The following MYCBP2 variants were observed in gnomAD, a reference collection of about 807,000 sequenced individuals.
MYCBP2 encodes MYC binding protein 2.
A neutral mutation model predicts 525.3 loss-of-function variants in MYCBP2; 120 were observed. The ratio of observed to expected loss-of-function variants is 0.23; its 90% CI spans 0.20 to 0.27. The LOEUF (loss-of-function observed/expected upper bound fraction) is 0.27, where lower values mean the gene tolerates loss of function less well. MYCBP2 is among the 10% of genes least tolerant of loss of function. The pLI, the probability that MYCBP2 is intolerant of heterozygous loss-of-function variation, is 1.00. For synonymous variants in MYCBP2, 1,894 were observed against 1,955.8 expected (o/e 0.97, Z 0.83); for missense variants, 4,149 against 5,657.1 (o/e 0.73, Z 8.55).
intron 62 of MYCBP2, among the ~76,000 whole-genome samples, chr13:77,083,659 C>T (rs1034413181): frequency 6.6e-6 from 1 of 152,094 alleles, no homozygotes; most frequent in Non-Finnish European, 1.5e-5. Flanking sequence ...CCTTTCTACG[C>T]AAATGGACCA....
At chr13:77,146,109 G>T in intron 48 of MYCBP2, 53 bp downstream of exon 48, 3 of 1,177,544 alleles carry the variant, frequency 2.5e-6, no homozygotes, top group South Asian at 1.6e-5. Context: ...GATTTTAGTT[G>T]CAAGCAGCTG....
intron 15 of MYCBP2, among the ~76,000 whole-genome samples, chr13:77,245,851 TAC>T (rs57406466): frequency 0.57 from 85,614 of 149,878 alleles, 27,818 homozygotes; most frequent in Non-Finnish European, 0.73. Context: ...TATATATGTA[TAC>T]ACACACACAC....
Position 77,101,747 on chromosome 13 carries a change from G to T in MYCBP2, c.8141-2734C>A, listed in dbSNP as rs567291314. On this transcript the variant is annotated intron_variant, in intron 55 of 82. Coordinates refer to ENST00000544440, the MANE Select transcript of MYCBP2 (RefSeq NM_015057.5). ...TTTGAAAAATTTATTTTTCCAAAACGTATTTTATATATTAAAAAAAACTAT... is the reference window on the plus strand; with the variant it reads ...TTTGAAAAATTTATTTTTCCAAAACTTATTTTATATATTAAAAAAAACTAT... Among the ~76,000 whole-genome samples the T allele has an allele frequency of 9.2e-5, 14 of 151,684 alleles. No individual in the cohort carries two copies. In the South Asian group the frequency reaches 2.7e-3, roughly 29 times the overall value.
chr13:77,326,475 TGGA>T lies in MYCBP2; in HGVS notation c.298_300del (p.Ser100del). 1.3e-6 allele frequency: 2 copies of T among 1,570,592 alleles called. No individual in the cohort carries two copies. Among genetic ancestry groups the T allele is most frequent in the South Asian group, 2.3e-5 (2 of 87,658 alleles). On this transcript the variant is annotated inframe_deletion and splice_region_variant, in exon 1 of 83. Coordinates refer to ENST00000544440, the MANE Select transcript of MYCBP2 (RefSeq NM_015057.5). The surrounding 1 kb of genome is among the most constrained non-coding windows in gnomAD (Gnocchi z 4.2). Reference sequence around the variant, plus strand: ...AGGAAGGGCACCCTGGGGACGCACCTGGAGGCTGGGTGTCCAGCGCTGCCGCCC... The same window carrying T: ...AGGAAGGGCACCCTGGGGACGCACCTGGCTGGGTGTCCAGCGCTGCCGCCC...
chr13:77,300,974 A>AAT (rs1445007484), intron 1 of MYCBP2, among the ~76,000 whole-genome samples: 1 of 152,180 alleles, frequency 6.6e-6, no homozygotes, highest in Non-Finnish European at 1.5e-5. Flanking sequence ...GAACTCTAAT[A>AAT]AAGGAAACAA....
At chr13:77,233,819 C>T (rs575263924) in intron 17 of MYCBP2, among the ~76,000 whole-genome samples, 51 of 150,706 alleles carry the variant, frequency 3.4e-4, no homozygotes, top group African/African-American at 1.2e-3. Flanking sequence ...AAAAACAAAA[C>T]AAAAATGTCT....
chr13:77,130,210 A>G (rs1171577859), intron 52 of MYCBP2, among the ~76,000 whole-genome samples: 3 of 151,884 alleles, frequency 2.0e-5, no homozygotes, highest in Non-Finnish European at 4.4e-5. Flanking sequence ...AAAAGAGGAC[A>G]TTCAAAATAT....
intron 15 of MYCBP2, among the ~76,000 whole-genome samples, chr13:77,249,129 G>A (rs113447343): frequency 1.3e-5 from 2 of 152,268 alleles, no homozygotes; most frequent in Non-Finnish European, 2.9e-5. Context: ...AGAATGAGGA[G>A]TCATTGTTTA....
At chr13:77,111,761 C>T (rs2048863884) in intron 55 of MYCBP2, among the ~76,000 whole-genome samples, 1 of 152,054 alleles carries the variant, frequency 6.6e-6, no homozygotes, top group Non-Finnish European at 1.5e-5. Flanking sequence ...TCTCCAGGAC[C>T]TTTTTCATAA....
At position 77,268,335 on chromosome 13, in the gene MYCBP2, GCCATTGAA is replaced by G. The variant is rs1567106339; in HGVS notation, c.1261-406_1261-399del. On this transcript the variant is annotated intron_variant, in intron 7 of 82. Transcript: ENST00000544440. ...ATAGTGGTTTCAGAAGGTGTGGTATGCCATTGAACACACTGCTATAATAATATACTTTC... is the reference window on the plus strand; with the variant it reads ...ATAGTGGTTTCAGAAGGTGTGGTATGCACACTGCTATAATAATATACTTTC... Among the ~76,000 whole-genome samples, 157 of 152,264 alleles carry G rather than the reference GCCATTGAA, an allele frequency of 1.0e-3. 1 individual carries two copies. The highest frequency in any genetic ancestry group is 3.4e-3 in the Middle Eastern group (1 of 294).
At position 77,243,158 on chromosome 13, in the gene MYCBP2, C is replaced by T; in HGVS notation, c.2530G>A (p.Val844Ile). Residue 844 changes from valine (V) to isoleucine (I), a missense_variant and splice_region_variant, in exon 17 of 83, where the codon GTC (valine) becomes ATC (isoleucine). Val to Ile is a conservative substitution (Grantham distance 29, BLOSUM62 3). Coordinates refer to ENST00000544440, the MANE Select transcript of MYCBP2 (RefSeq NM_015057.5). The part of the protein sequence containing the change: ...EMIPLDLLLA[V>I]PVPGVNIEEH... ...TCAATGTTAACCCCGGGCACTGGGA[C>T]AGCTAGATGATTGGCCAAAAACAAC... The T allele has an allele frequency of 6.2e-7, 1 of 1,613,364 alleles. No homozygotes were observed. The highest frequency in any genetic ancestry group is 8.5e-7 in the Non-Finnish European group (1 of 1,179,376).
chr13:77,219,559 T>C (rs2065264118), intron 20 of MYCBP2, among the ~76,000 whole-genome samples: 1 of 150,732 alleles, frequency 6.6e-6, no homozygotes, highest in Non-Finnish European at 1.5e-5. Flanking sequence ...GAAACAGAAA[T>C]AGATCTCTAA....
chr13:77,270,588 A>G, intron 5 of MYCBP2, 50 bp from the exon 6 acceptor site: 1 of 1,502,002 alleles, frequency 6.7e-7, no homozygotes, highest in Non-Finnish European at 9.0e-7. Context: ...AAATGTTACA[A>G]ACACAGAACA....
intron 55 of MYCBP2, among the ~76,000 whole-genome samples, chr13:77,114,334 C>T (rs1206242568): frequency 6.6e-6 from 1 of 151,974 alleles, no homozygotes; most frequent in Non-Finnish European, 1.5e-5. Context: ...GTATTTGCAT[C>T]AAAAGGCAAT....
intron 68 of MYCBP2, 109 bp downstream of exon 68, chr13:77,076,642 A>C: frequency 1.6e-6 from 1 of 636,620 alleles, no homozygotes; most frequent in Non-Finnish European, 2.6e-6. Flanking sequence ...TATGAACTGC[A>C]TAAAACTGTT....
At chr13:77,134,404 TATGCCTGTA>T (rs1394537175) in intron 52 of MYCBP2, among the ~76,000 whole-genome samples, 3 of 151,832 alleles carry the variant, frequency 2.0e-5, no homozygotes, top group African/African-American at 7.3e-5. Flanking sequence ...TGTGGTGGTG[TATGCCTGTA>T]ATACCAGCTA....
intron 17 of MYCBP2, among the ~76,000 whole-genome samples, chr13:77,233,617 A>G (rs1025382378): frequency 6.6e-6 from 1 of 152,148 alleles, no homozygotes; most frequent in African/African-American, 2.4e-5. Context: ...ATTCAAAGTC[A>G]GTAAACCATG....
At chr13:77,071,458 G>A (rs1167953389) in intron 68 of MYCBP2, among the ~76,000 whole-genome samples, 4 of 152,126 alleles carry the variant, frequency 2.6e-5, no homozygotes, top group Non-Finnish European at 4.4e-5. Flanking sequence ...AGAGCCAGAA[G>A]AGAATGTCCC....
chr13:77,149,275 G>A (rs7337686), intron 47 of MYCBP2, among the ~76,000 whole-genome samples: 111,080 of 151,882 alleles, frequency 0.73, 41,819 homozygotes, highest in Middle Eastern at 0.84. Context: ...TTGTAAATCA[G>A]TATTTCTCAA....
Sources: allele counts gnomAD v4.1 joint callset (sites outside exome capture counted in the v4.1 genomes callset), GRCh38; gene constraint gnomAD v4.1.1; non-coding constraint Gnocchi (gnomAD v3.1); transcripts MANE v1.5; gene names NCBI Gene and HGNC (gene_info 2026-07-23, HGNC 2026-07-21).